Variants in RAF1 observed in about 807,000 individuals in gnomAD.
RAF1 encodes the protein Raf-1 proto-oncogene, serine/threonine kinase, also known as RAF proto-oncogene serine/threonine-protein kinase.
Under a neutral mutation model 81.1 loss-of-function variants are expected in RAF1, and 27 were observed. The ratio of observed to expected loss-of-function variants is 0.33; its 90% CI spans 0.25 to 0.46. The LOEUF is 0.46. Ranked by LOEUF, RAF1 falls within the 20% of genes least tolerant of loss-of-function variation. The pLI, the probability that RAF1 is intolerant of heterozygous loss-of-function variation, is 1.00. For synonymous variants in RAF1, 298 were observed against 294.0 expected (o/e 1.01, Z -0.14); for missense variants, 598 against 826.0 (o/e 0.72, Z 3.38).
chr3:12,653,631 G>C (rs1359164795), intron 1 of RAF1, among the ~76,000 whole-genome samples: 1 of 151,876 alleles, frequency 6.6e-6, no homozygotes, highest in African/African-American at 2.4e-5. Flanking sequence ...TGCAATCCCA[G>C]CTACTAGGGA....
At chr3:12,624,385 TAA>T (rs892958351) in intron 1 of RAF1, among the ~76,000 whole-genome samples, 1 of 152,052 alleles carries the variant, frequency 6.6e-6, no homozygotes, top group Admixed American at 6.6e-5. Context: ...AAGCATCTTC[TAA>T]AAAAATCATA....
chr3:12,624,486 T>C (rs757516487), intron 1 of RAF1, among the ~76,000 whole-genome samples: 5 of 152,218 alleles, frequency 3.3e-5, no homozygotes, highest in Admixed American at 6.6e-5. Flanking sequence ...TAGCTTTTAA[T>C]ACTGTAATTT....
chr3:12,600,326 A>C, intron 9 of RAF1, 47 bp from the exon 9 acceptor site: 1 of 1,614,204 alleles, frequency 6.2e-7, no homozygotes, highest in Non-Finnish European at 8.5e-7. Flanking sequence ...AAGCCAACAG[A>C]AGATACACCG....
chr3:12,602,360 C>T (rs1329417227), intron 8 of RAF1, among the ~76,000 whole-genome samples: 2 of 152,194 alleles, frequency 1.3e-5, no homozygotes, highest in East Asian at 3.8e-4. Context: ...TTAGGCACAA[C>T]AATTGTGCTA....
rs1038178496 is a variant in RAF1 at position 12,591,067 on chromosome 3, G to GACACCACCCCCAGTCCCA, written c.1254-111_1254-94dup. 5 of 1,214,920 alleles carry GACACCACCCCCAGTCCCA rather than the reference G, an allele frequency of 4.1e-6. No homozygotes were observed. In the African/African-American group the frequency reaches 4.5e-5, roughly 11 times the overall value. 75.3% of individuals were successfully genotyped at this position (1,214,920 alleles called of 1,614,324 possible). A position where few individuals can be genotyped will look rare whatever the true frequency, so the allele number is the denominator to read the frequency against. ...CGTGGACAGTGGGTTCTGTGCTGTC[G>GACACCACCCCCAGTCCCA]ACACCACCCCCAGTCCCAACACCAC... On this transcript the variant is annotated intron_variant, in intron 12 of 17. Transcript: ENST00000442415.
chr3:12,585,712 A>G lies in RAF1; in HGVS notation c.1565T>C (p.Val522Ala), dbSNP rs2125325738. Residue 522 changes from valine (V) to alanine (A), a missense_variant, in exon 15 of 18, where the codon GTT (valine) becomes GCT (alanine). Val to Ala is a moderately conservative substitution (Grantham distance 64, BLOSUM62 0). Coordinates refer to ENST00000442415, the MANE Select transcript of RAF1 (RefSeq NM_001354689.3). ...GAGGACAGAGCCAGTAGGTTGTTCA[A>G]CCTGCTGAGAACCACTCCAGCGTGA... 6.2e-7 allele frequency: 1 copy of G among 1,614,116 alleles called. No homozygotes were observed. Among genetic ancestry groups the G allele is most frequent in the Non-Finnish European group, 8.5e-7 (1 of 1,179,958 alleles).
At chr3:12,620,173 C>T (rs988249664) in intron 1 of RAF1, among the ~76,000 whole-genome samples, 4 of 152,144 alleles carry the variant, frequency 2.6e-5, no homozygotes, top group African/African-American at 7.2e-5. Flanking sequence ...GACAGAGTCT[C>T]ACTCTATTGC....
intron 1 of RAF1, among the ~76,000 whole-genome samples, chr3:12,619,530 A>G (rs2059487949): frequency 6.8e-6 from 1 of 148,048 alleles, no homozygotes; most frequent in South Asian, 2.1e-4. Flanking sequence ...GTGTCATTGC[A>G]CTCCAGGCTG....
chr3:12,585,184 T>C lies in RAF1; in HGVS notation c.1666A>G (p.Ile556Val). The change falls in exon 16 of 18, where the codon ATC (isoleucine) becomes GTC (valine). Residue 556 changes from isoleucine (I) to valine (V), a missense_variant. Physicochemically the swap from Ile to Val is conservative, Grantham distance 29 (BLOSUM62 3). This residue lies in a region of RAF1 where 147 missense variants were observed against 196.1 expected (regional missense o/e 0.75). Coordinates refer to ENST00000442415, the MANE Select transcript of RAF1 (RefSeq NM_001354689.3). ...CCCGTCATCAGTTCATACAATACGATGCCATAGGAGTAGACATCCGACTGG... is the reference window on the plus strand; with the variant it reads ...CCCGTCATCAGTTCATACAATACGACGCCATAGGAGTAGACATCCGACTGG... The C allele has an allele frequency of 1.9e-6, 3 of 1,614,116 alleles. No individual in the cohort carries two copies. Among genetic ancestry groups the C allele is most frequent in the Non-Finnish European group, 1.7e-6 (2 of 1,180,016 alleles).
intron 1 of RAF1, among the ~76,000 whole-genome samples, chr3:12,650,572 G>A (rs954684302): frequency 5.3e-5 from 8 of 152,018 alleles, no homozygotes; most frequent in Non-Finnish European, 1.0e-4. Context: ...CTGTAACCCA[G>A]CATGGAATGA....
intron 1 of RAF1, among the ~76,000 whole-genome samples, chr3:12,657,397 A>G (rs532183862): frequency 6.6e-6 from 1 of 152,210 alleles, no homozygotes; most frequent in East Asian, 1.9e-4. Flanking sequence ...TATGCACAAC[A>G]TAACTTTCTA....
At chr3:12,608,329 C>A in intron 5 of RAF1, 1 of 158,742 alleles carries the variant, frequency 6.3e-6, no homozygotes, top group Admixed American at 6.1e-5. Context: ...AAGTTTTCTC[C>A]AGTTTGAAGT....
At chr3:12,661,722 GAAT>G (rs1463635516) in intron 1 of RAF1, among the ~76,000 whole-genome samples, 2 of 151,844 alleles carry the variant, frequency 1.3e-5, no homozygotes, top group Non-Finnish European at 2.9e-5. Context: ...AAAAACAATA[GAAT>G]AATAAAATAA....
At chr3:12,626,590 A>T (rs78950447) in intron 1 of RAF1, among the ~76,000 whole-genome samples, 1 of 31,524 alleles carries the variant, frequency 3.2e-5, no homozygotes, top group Non-Finnish European at 8.3e-5. Flanking sequence ...GACCTTGTCT[A>T]AAAAAAAAAA....
chr3:12,612,077 C>T lies in RAF1; in HGVS notation c.208-15G>A. 6.2e-7 allele frequency: 1 copy of T among 1,605,150 alleles called. No homozygotes were observed. Among genetic ancestry groups the T allele is most frequent in the Non-Finnish European group, 8.5e-7 (1 of 1,171,964 alleles). On this transcript the variant is annotated splice_polypyrimidine_tract_variant and intron_variant, in intron 2 of 17. Transcript: ENST00000442415. ...CGCACATTGACCTACAAACAAAGGA[C>T]CACCTTTAGGACCAACACAGGCTGC...
At chr3:12,608,314 CAACT>C (rs1242439967) in intron 5 of RAF1, 4 of 157,896 alleles carry the variant, frequency 2.5e-5, no homozygotes, top group Non-Finnish European at 5.6e-5. Context: ...TAAGTCCAAA[CAACT>C]AAGTTTTCTC....
intron 1 of RAF1, among the ~76,000 whole-genome samples, chr3:12,663,504 G>A (rs1232763081): frequency 6.6e-6 from 1 of 152,224 alleles, no homozygotes; most frequent in African/African-American, 2.4e-5. Flanking sequence ...ATATGGGGCA[G>A]CTCTGGGCGG....
intron 15 of RAF1, 92 bp from the exon 15 acceptor site, chr3:12,585,345 A>G: frequency 6.3e-7 from 1 of 1,586,312 alleles, no homozygotes; most frequent in Non-Finnish European, 8.5e-7. Context: ...TTCATTAGTT[A>G]TGAATGAGTC....
chr3:12,590,446 T>A, intron 13 of RAF1: 1 of 266,220 alleles, frequency 3.8e-6, no homozygotes, highest in Non-Finnish European at 7.6e-6. Flanking sequence ...CTGTCCCAGT[T>A]CTTGAGTAGC....
Sources: gnomAD v4.1 joint callset for allele counts (sites outside exome capture counted in the v4.1 genomes callset) on GRCh38, gnomAD v4.1.1 for gene constraint, gnomAD v4.1.1 regional missense constraint, MANE v1.5 for transcripts, NCBI Gene and HGNC (gene_info 2026-07-23, HGNC 2026-07-21) for gene names.